The following PADI3 variants were observed in gnomAD, a reference collection of about 807,000 sequenced individuals.
The protein encoded by PADI3 is protein-arginine deiminase type-3.
In PADI3, 53 loss-of-function variants were observed where a neutral mutation model predicts 71.5. The observed-to-expected ratio is 0.74, with a 90% CI of 0.59 to 0.93. The LOEUF (loss-of-function observed/expected upper bound fraction) is 0.93, where lower values mean the gene tolerates loss of function less well. Ranked by LOEUF, PADI3 falls within the 40% of genes least tolerant of loss-of-function variation. PADI3 has a pLI of 0.00. For missense variants in PADI3, 821 were observed against 868.0 expected (o/e 0.95, Z 0.68); for synonymous variants, 361 against 347.5 (o/e 1.04, Z -0.43).
intron 11 of PADI3, among the ~76,000 whole-genome samples, chr1:17,275,262 C>T (rs867901929): frequency 1.6e-4 from 23 of 143,534 alleles, no homozygotes; most frequent in Middle Eastern, 3.5e-3. Flanking sequence ...GGTGAAACTC[C>T]GTCTCTACTA....
chr1:17,266,151 G>A (rs1373235589), intron 4 of PADI3, among the ~76,000 whole-genome samples: 1 of 152,238 alleles, frequency 6.6e-6, no homozygotes, highest in East Asian at 1.9e-4. Flanking sequence ...TATACAAACA[G>A]GCAGTAGGCC....
At chr1:17,260,313 C>T (rs111796667) in intron 2 of PADI3, among the ~76,000 whole-genome samples, 6 of 152,298 alleles carry the variant, frequency 3.9e-5, no homozygotes, top group African/African-American at 1.4e-4. Context: ...GGACATTTAA[C>T]ACATGGGAGA....
At position 17,256,865 on chromosome 1, in the gene PADI3, T is replaced by C. The variant is rs554417900; in HGVS notation, c.93-2713T>C. ...CTGGCCAATATGGTGAAACCCTGTT[T>C]CTACTGAAAATACAAAAATTAGCCG... On this transcript the variant is annotated intron_variant, in intron 1 of 15. Transcript: ENST00000375460. Among the ~76,000 whole-genome samples the C allele has an allele frequency of 1.6e-4, 25 of 151,992 alleles. No individual in the cohort carries two copies. The East Asian group carries it at 4.8e-3, about 29-fold the overall frequency.
intron 6 of PADI3, among the ~76,000 whole-genome samples, chr1:17,269,956 G>A (rs955105765): frequency 2.0e-5 from 3 of 152,122 alleles, no homozygotes; most frequent in Admixed American, 2.0e-4. Context: ...CCTAGCAGTG[G>A]AATTGCTGGG....
chr1:17,278,314 A>T (rs1309834873), intron 13 of PADI3, among the ~76,000 whole-genome samples: 1 of 151,992 alleles, frequency 6.6e-6, no homozygotes, highest in African/African-American at 2.4e-5. Flanking sequence ...TGCAGCCTCG[A>T]CCTCCCAGAC....
intron 1 of PADI3, among the ~76,000 whole-genome samples, chr1:17,256,247 A>C (rs546551139): frequency 2.6e-5 from 4 of 151,930 alleles, no homozygotes; most frequent in African/African-American, 7.3e-5. Flanking sequence ...CTATTATCAC[A>C]CTTGAGTTTC....
At chr1:17,271,908 C>A (rs1026402291) in intron 9 of PADI3, among the ~76,000 whole-genome samples, 2 of 149,530 alleles carry the variant, frequency 1.3e-5, no homozygotes, top group Admixed American at 1.3e-4. Flanking sequence ...GCTATACCAG[C>A]AAAGCACCAG....
rs1319812598 is a variant in PADI3 at position 17,249,188 on chromosome 1, GGT to G, written c.59_60del (p.Val20GlyfsTer15). On this transcript the variant is annotated frameshift_variant, in exon 1 of 16. Coordinates refer to ENST00000375460, the MANE Select transcript of PADI3 (RefSeq NM_016233.2). LOFTEE classifies it high-confidence loss of function. ...TGTCCCTGGAGCATCCCACCAGCGC[GGT>G]GTGTGTGGCTGGCGTGGAGACCCTC... ...RVSLEHPTSA[V>X]CVAGVETLVD... 2.5e-6 allele frequency: 4 copies of G among 1,614,042 alleles called. No individual in the cohort carries two copies. The Admixed American group carries it at 5.0e-5, about 20-fold the overall frequency.
At position 17,258,895 on chromosome 1, in the gene PADI3, C is replaced by T. The variant is rs182864173; in HGVS notation, c.93-683C>T. Among the ~76,000 whole-genome samples the T allele has an allele frequency of 1.2e-4, 18 of 152,336 alleles. No individual in the cohort carries two copies. The East Asian group carries it at 3.5e-3, about 29-fold the overall frequency. ...GCTCTCAGAACTGTAAGGGGCTCCA[C>T]CCACCAATGGCTGGTGTTCACTGAG... is the stretch of plus-strand genomic sequence containing the variant. On this transcript the variant is annotated intron_variant, in intron 1 of 15. Transcript: ENST00000375460.
intron 6 of PADI3, 25 bp downstream of exon 6, chr1:17,267,987 C>A: frequency 6.2e-7 from 1 of 1,613,162 alleles, no homozygotes. Context: ...CTGCCCCTTG[C>A]CATCTGTGCC....
intron 5 of PADI3, among the ~76,000 whole-genome samples, 171 bp from the exon 6 acceptor site, chr1:17,267,666 G>A (rs2073188214): frequency 6.6e-6 from 1 of 152,232 alleles, no homozygotes; most frequent in African/African-American, 2.4e-5. Context: ...GTCCAGGAGA[G>A]CATAGATGTC....
chr1:17,270,001 A>G (rs2073224444), intron 6 of PADI3, among the ~76,000 whole-genome samples: 1 of 152,126 alleles, frequency 6.6e-6, no homozygotes, highest in African/African-American at 2.4e-5. Context: ...GATGCTGCCA[A>G]ATTGTGCTCC....
chr1:17,268,257 C>T (rs1322445528), intron 6 of PADI3, among the ~76,000 whole-genome samples: 5 of 152,186 alleles, frequency 3.3e-5, no homozygotes, highest in Non-Finnish European at 7.3e-5. Context: ...ACACAAAAAG[C>T]AGTGCTGTGA....
intron 1 of PADI3, among the ~76,000 whole-genome samples, chr1:17,254,717 ATTT>A (rs1247695105): frequency 2.3e-5 from 3 of 128,458 alleles, no homozygotes; most frequent in Admixed American, 7.9e-5. Context: ...AGGCTCCAGC[ATTT>A]TTTTTTTTTT....
In PADI3 at chr1:17,279,210, G is replaced by A. The variant is rs186575582; in HGVS notation, c.1556-1140G>A. On this transcript the variant is annotated intron_variant, in intron 13 of 15. Transcript: ENST00000375460. ...CCCACCCTCGAGGGCTGACACTCAG[G>A]CAGTGACTGTGGCGATTAATTACAT... 5.3e-5 allele frequency among the ~76,000 whole-genome samples: 8 copies of A among 152,322 alleles called. No homozygotes were observed. In the East Asian group the frequency reaches 1.4e-3, roughly 26 times the overall value.
In PADI3 at chr1:17,276,151, A is replaced by G. The variant is rs150113719; in HGVS notation, c.1308-368A>G. ...GGAGTTCGAGACCAGCCTGGCCAAC[A>G]TGGTGAAACCCCATCTCTAGTAAAA... On this transcript the variant is annotated intron_variant, in intron 11 of 15. Coordinates refer to ENST00000375460, the MANE Select transcript of PADI3 (RefSeq NM_016233.2). Among the ~76,000 whole-genome samples the G allele has an allele frequency of 4.9e-3, 753 of 152,256 alleles. 10 individuals are homozygous for G. Among genetic ancestry groups the G allele is most frequent in the African/African-American group, 0.018 (732 of 41,550 alleles).
At chr1:17,280,877 G>A in intron 15 of PADI3, 81 bp downstream of exon 15, 1 of 1,537,020 alleles carries the variant, frequency 6.5e-7, no homozygotes, top group Non-Finnish European at 8.9e-7. Context: ...TCTGGTCACA[G>A]TCATATTTAG....
At chr1:17,273,515 T>C (rs1569910337) in intron 10 of PADI3, 68 bp downstream of exon 10, 3 of 1,045,816 alleles carry the variant, frequency 2.9e-6, no homozygotes, top group East Asian at 4.9e-5. Flanking sequence ...CACACCGGGG[T>C]GTGGGGTACA....
intron 15 of PADI3, 123 bp from the exon 16 acceptor site, chr1:17,282,723 C>A: frequency 1.4e-6 from 1 of 722,908 alleles, no homozygotes; most frequent in Non-Finnish European, 2.3e-6. Flanking sequence ...CTTCTCATTG[C>A]ACAGGAAAGG....
Sources: allele counts gnomAD v4.1 joint callset (sites outside exome capture counted in the v4.1 genomes callset), GRCh38; gene constraint gnomAD v4.1.1; transcripts MANE v1.5; gene names NCBI Gene and HGNC (gene_info 2026-07-23, HGNC 2026-07-21).